Variants in ARHGAP32 observed in about 807,000 individuals in gnomAD.
ARHGAP32 encodes the protein rho GTPase-activating protein 32.
ARHGAP32 carries 51 observed loss-of-function variants against 186.5 expected under a neutral mutation model. The observed-to-expected ratio is 0.27, with a 90% CI of 0.22 to 0.35. The LOEUF is 0.35. Among genes scored for constraint, ARHGAP32 ranks in the 10% least tolerant of loss-of-function variants. The pLI, the probability that ARHGAP32 is intolerant of heterozygous loss-of-function variation, is 1.00. For synonymous variants in ARHGAP32, 950 were observed against 964.3 expected, an observed-to-expected ratio of 0.99 and a Z score of 0.27; for missense variants, 2,186 against 2,623.5, an observed-to-expected ratio of 0.83 and a Z score of 3.64.
chr11:129,087,349 T>C (rs1941437999), intron 6 of ARHGAP32, among the ~76,000 whole-genome samples: 1 of 152,212 alleles, frequency 6.6e-6, no homozygotes, highest in African/African-American at 2.4e-5. Context: ...CTGAGATGTC[T>C]TTCAGTAGAT....
chr11:129,040,123 G>GC (rs1565390714), intron 11 of ARHGAP32, among the ~76,000 whole-genome samples: 2 of 149,194 alleles, frequency 1.3e-5, no homozygotes, highest in East Asian at 3.9e-4. Context: ...AAGAATAACT[G>GC]TTTTTTTTTT....
intron 1 of ARHGAP32, among the ~76,000 whole-genome samples, chr11:129,278,284 T>C (rs1201458954): frequency 6.6e-6 from 1 of 152,192 alleles, no homozygotes; most frequent in Admixed American, 6.5e-5. Flanking sequence ...TAAAGACAGA[T>C]TGTAACTCTG....
intron 1 of ARHGAP32, among the ~76,000 whole-genome samples, chr11:129,208,235 C>T: frequency 6.6e-6 from 1 of 152,120 alleles, no homozygotes; most frequent in East Asian, 1.9e-4. Flanking sequence ...GCAGGAACAT[C>T]CCATTCTAGT....
At chr11:129,041,675 C>T (rs140730468) in intron 10 of ARHGAP32, among the ~76,000 whole-genome samples, 9 of 152,216 alleles carry the variant, frequency 5.9e-5, no homozygotes, top group African/African-American at 1.2e-4. Flanking sequence ...ACCACAGTGA[C>T]CTAGTAGCAG....
At chr11:129,157,261 T>C (rs1284566005) in intron 2 of ARHGAP32, among the ~76,000 whole-genome samples, 1 of 151,872 alleles carries the variant, frequency 6.6e-6, no homozygotes, top group Non-Finnish European at 1.5e-5. Flanking sequence ...CTTCAGAAGG[T>C]GGGTAATAAC....
In ARHGAP32 at chr11:129,224,413, C is replaced by A. The variant is rs1306676157; in HGVS notation, c.-5+54733G>T. 2.0e-5 allele frequency among the ~76,000 whole-genome samples: 3 copies of A among 151,976 alleles called. No homozygotes were observed. The East Asian group carries it at 5.8e-4, about 29-fold the overall frequency. ...ATCAGTGAAAACAGTAGAGTGAGTA[C>A]CTCTGAAAATTCTCTCCTTAACTTT... is the stretch of plus-strand genomic sequence containing the variant. On this transcript the variant is annotated intron_variant, in intron 1 of 6. Coordinates refer to the ARHGAP32 transcript ENST00000525234.
chr11:129,105,715 ATG>A (rs1044465049), intron 5 of ARHGAP32, among the ~76,000 whole-genome samples: 37 of 152,318 alleles, frequency 2.4e-4, no homozygotes, highest in African/African-American at 8.9e-4. Context: ...TAATATTCAA[ATG>A]TACAGTATGC....
intron 1 of ARHGAP32, among the ~76,000 whole-genome samples, chr11:129,176,795 AG>A (rs1943925878): frequency 6.6e-6 from 1 of 151,944 alleles, no homozygotes; most frequent in South Asian, 2.1e-4. Flanking sequence ...CAGTGTGTAG[AG>A]GGAAATTTAT....
intron 11 of ARHGAP32, among the ~76,000 whole-genome samples, chr11:129,028,195 G>A (rs915040943): frequency 4.6e-5 from 7 of 152,210 alleles, no homozygotes; most frequent in East Asian, 1.9e-4. Flanking sequence ...CATATAGAAA[G>A]TGAAGTATCA....
intron 1 of ARHGAP32, among the ~76,000 whole-genome samples, chr11:129,165,971 T>G (rs926345241): frequency 1.3e-5 from 2 of 152,042 alleles, no homozygotes; most frequent in African/African-American, 4.8e-5. Flanking sequence ...GCTAAAAACA[T>G]TTATGATTTA....
At chr11:129,225,641 A>G (rs1944771363) in intron 1 of ARHGAP32, among the ~76,000 whole-genome samples, 1 of 152,186 alleles carries the variant, frequency 6.6e-6, no homozygotes, top group South Asian at 2.1e-4. Flanking sequence ...GGAGCCAAAT[A>G]TGATTTTCAA....
At chr11:129,209,211 A>AT (rs1445398525) in intron 1 of ARHGAP32, among the ~76,000 whole-genome samples, 1 of 152,166 alleles carries the variant, frequency 6.6e-6, no homozygotes, top group East Asian at 1.9e-4. Context: ...TTAAAAGCAA[A>AT]TTATCTTTGA....
At chr11:129,177,872 T>C (rs1217519777) in intron 1 of ARHGAP32, among the ~76,000 whole-genome samples, 5 of 152,178 alleles carry the variant, frequency 3.3e-5, no homozygotes, top group Non-Finnish European at 5.9e-5. Flanking sequence ...CTTCGAAAAC[T>C]GGCACAAGAC....
At chr11:129,092,295 G>A (rs1941602144) in intron 6 of ARHGAP32, among the ~76,000 whole-genome samples, 1 of 151,686 alleles carries the variant, frequency 6.6e-6, no homozygotes, top group African/African-American at 2.4e-5. Context: ...CATTCTCGAA[G>A]CATATGGAAA....
At position 128,968,824 on chromosome 11, in the gene ARHGAP32, T is replaced by A. The variant is rs1032563813; in HGVS notation, c.*83A>T. 2.3e-5 allele frequency: 26 copies of A among 1,110,674 alleles called. No individual in the cohort carries two copies. Among genetic ancestry groups the A allele is most frequent in the Non-Finnish European group, 2.6e-5 (22 of 847,558 alleles). 68.8% of individuals were successfully genotyped at this position (1,110,674 alleles called of 1,614,324 possible). A position where few individuals can be genotyped will look rare whatever the true frequency, so the allele number is the denominator to read the frequency against. ...GTGGTCAGGGGTTTTATAGTATTTT[T>A]TGTTTAATCTTTTTGGTTATTGAAA... On this transcript the variant is annotated 3_prime_UTR_variant, in exon 23 of 23. Coordinates refer to ENST00000682385, the MANE Select transcript of ARHGAP32 (RefSeq NM_001378024.1).
rs558458246 is a variant in ARHGAP32, at chr11:129,178,640, A to G, written c.116+13443T>C. ...ACAGAGCCCTCAGAAATAATGCCGC[A>G]TATCTACAACTATCTGATCTTTGAC... On this transcript the variant is annotated intron_variant, in intron 1 of 22. Transcript: ENST00000682385. Among the ~76,000 whole-genome samples, 23 of 152,238 alleles carry G rather than the reference A, an allele frequency of 1.5e-4. No individual in the cohort carries two copies. In the South Asian group the frequency reaches 4.1e-3, roughly 27 times the overall value.
At chr11:129,035,438 T>G (rs1939290790) in intron 11 of ARHGAP32, among the ~76,000 whole-genome samples, 1 of 152,216 alleles carries the variant, frequency 6.6e-6, no homozygotes, top group African/African-American at 2.4e-5. Flanking sequence ...CAGATGGCAA[T>G]GTTAAAAATA....
At chr11:128,986,397 T>A in intron 14 of ARHGAP32, 127 bp downstream of exon 14, 1 of 1,041,960 alleles carries the variant, frequency 9.6e-7, no homozygotes, top group Non-Finnish European at 1.4e-6. Flanking sequence ...CAATATTTGT[T>A]TTTTTAAGGA....
chr11:129,159,996 C>G (rs1055906094), intron 2 of ARHGAP32, among the ~76,000 whole-genome samples: 1 of 151,104 alleles, frequency 6.6e-6, no homozygotes, highest in Non-Finnish European at 1.5e-5. Context: ...GAACTAATGA[C>G]AAAAACCACA....
Sources: allele counts gnomAD v4.1 joint callset (sites outside exome capture counted in the v4.1 genomes callset), GRCh38; gene constraint gnomAD v4.1.1; transcripts MANE v1.5; gene names NCBI Gene and HGNC (gene_info 2026-07-23, HGNC 2026-07-21).